Variants in NFATC2 observed in about 807,000 individuals in gnomAD.
The protein encoded by NFATC2 is nuclear factor of activated T cells 2.
Under a neutral mutation model 87.3 loss-of-function variants are expected in NFATC2, and 22 were observed. The observed-to-expected ratio is 0.25, with a 90% confidence interval of 0.18 to 0.36. The LOEUF (loss-of-function observed/expected upper bound fraction) is 0.36. Ranked by LOEUF, NFATC2 falls within the 10% of genes least tolerant of loss-of-function variation. NFATC2 has a pLI of 1.00. For missense variants in NFATC2, 1,149 were observed against 1,259.1 expected (o/e 0.91, Z 1.32); for synonymous variants, 565 against 542.2 (o/e 1.04, Z -0.58).
intron 3 of NFATC2, among the ~76,000 whole-genome samples, chr20:51,495,387 T>C (rs1600868948): frequency 1.3e-5 from 2 of 152,236 alleles, no homozygotes; most frequent in African/African-American, 4.8e-5. Context: ...CACACATGGC[T>C]GGAAAGCCTC....
chr20:51,400,094 A>G (rs1038949615), intron 9 of NFATC2, among the ~76,000 whole-genome samples: 1 of 151,000 alleles, frequency 6.6e-6, no homozygotes, highest in African/African-American at 2.4e-5. Context: ...CCCACATCCC[A>G]CCCACCCATA....
chr20:51,432,451 C>G lies in NFATC2; in HGVS notation c.2338G>C (p.Ala780Pro). Residue 780 changes from alanine (A) to proline (P), a missense_variant, in exon 9 of 11, where the codon GCT (alanine) becomes CCT (proline). Physicochemically the swap from Ala to Pro is conservative, Grantham distance 27 (BLOSUM62 -1). This residue lies in a region of NFATC2 where 581 missense variants were observed against 649.7 expected (regional missense o/e 0.89). Coordinates refer to ENST00000371564, the MANE Select transcript of NFATC2 (RefSeq NM_012340.5). This position sits in a 1 kb window ranked among gnomAD's most constrained non-coding sequence, Gnocchi z 4.6. The stretch of plus-strand genomic sequence containing the variant: ...GCGTGCACCAGCACAGAGCGGTGAG[C>G]GTCCGCAAGGGACAGCGGGGCGGCC... ...LMAAPLSLADAHRSVLVHAGS... is the reference protein window; with the variant it reads ...LMAAPLSLADPHRSVLVHAGS... The G allele has an allele frequency of 6.4e-7, 1 of 1,568,748 alleles. No individual in the cohort carries two copies. The highest frequency in any genetic ancestry group is 8.7e-7 in the Non-Finnish European group (1 of 1,155,772).
At chr20:51,543,486 T>C (rs927612966), upstream of NFATC2, among the ~76,000 whole-genome samples, 1 of 152,156 alleles carries the variant, frequency 6.6e-6, no homozygotes, top group African/African-American at 2.4e-5. Context: ...AGAAACCTGA[T>C]TGATGAGGCG....
intron 3 of NFATC2, among the ~76,000 whole-genome samples, chr20:51,505,028 T>C (rs1056496024): frequency 0.035 from 4,290 of 121,320 alleles, 21 homozygotes; most frequent in Non-Finnish European, 0.053. Context: ...TTTTTTTTTT[T>C]TTTGAGACGG....
intron 5 of NFATC2, among the ~76,000 whole-genome samples, chr20:51,457,842 G>A (rs1482638161): frequency 6.6e-6 from 1 of 151,440 alleles, no homozygotes; most frequent in Non-Finnish European, 1.5e-5. Flanking sequence ...CAATTAGAAT[G>A]GGAATGGGAA....
At chr20:51,521,028 A>C (rs1340852314) in intron 2 of NFATC2, among the ~76,000 whole-genome samples, 1 of 152,238 alleles carries the variant, frequency 6.6e-6, no homozygotes, top group Non-Finnish European at 1.5e-5. Flanking sequence ...ATGGCCTTTG[A>C]AATCACCGCA....
Position 51,475,546 on chromosome 20 carries a change from T to C in NFATC2, c.1447A>G (p.Thr483Ala), listed in dbSNP as rs1988636437. The change falls in exon 4 of 11, where the codon ACT becomes GCT. Residue 483 changes from threonine to alanine, a missense_variant. By Grantham distance (58) the Thr-to-Ala change is moderately conservative. Transcript: ENST00000371564. ...FYQVHRITGKTVTTTSYEKIV... is the reference protein window; with the variant it reads ...FYQVHRITGKAVTTTSYEKIV... ...TTCTCATAGCTGGTGGTGGTGACAG[T>C]TTTCCCCGTGATTCGGTGCACCTGG... The C allele has an allele frequency of 1.2e-6, 2 of 1,613,914 alleles. No individual in the cohort carries two copies. Among genetic ancestry groups the C allele is most frequent in the Non-Finnish European group, 1.7e-6 (2 of 1,180,024 alleles).
At chr20:51,398,296 A>G (rs1219236738) in intron 10 of NFATC2, among the ~76,000 whole-genome samples, 1 of 152,066 alleles carries the variant, frequency 6.6e-6, no homozygotes. Flanking sequence ...CCACGGATGG[A>G]GAGCCTCATT....
chr20:51,501,627 C>A (rs1419940299), intron 3 of NFATC2, among the ~76,000 whole-genome samples: 2 of 152,190 alleles, frequency 1.3e-5, no homozygotes, highest in Non-Finnish European at 2.9e-5. Flanking sequence ...CCCTAAATAG[C>A]ATCCTCACCA....
intron 3 of NFATC2, among the ~76,000 whole-genome samples, chr20:51,489,802 C>A (rs934229357): frequency 6.6e-6 from 1 of 152,198 alleles, no homozygotes; most frequent in Non-Finnish European, 1.5e-5. Context: ...ACACCCAAGT[C>A]AGTCTGCAAA....
chr20:51,495,170 C>T (rs1212164560), intron 3 of NFATC2, among the ~76,000 whole-genome samples: 7 of 152,168 alleles, frequency 4.6e-5, no homozygotes, highest in African/African-American at 1.4e-4. Context: ...CTGCAACCTC[C>T]GCCTCCTGTT....
intron 10 of NFATC2, among the ~76,000 whole-genome samples, chr20:51,392,601 C>CTACCT (rs1986489498): frequency 6.6e-6 from 1 of 152,178 alleles, no homozygotes; most frequent in African/African-American, 2.4e-5. Flanking sequence ...ACTGACTAGT[C>CTACCT]GTGGGGTGGA....
In NFATC2 at chr20:51,523,842, C is replaced by T. The variant is rs369099315; in HGVS notation, c.399G>A (p.Ala133=). The T allele has an allele frequency of 5.0e-6, 8 of 1,610,476 alleles. No homozygotes were observed. The highest frequency in any genetic ancestry group is 2.7e-5 in the African/African-American group (2 of 74,780). ...GGGGCGGCTGCTCCACCAGGAGGCC[C>T]GCGTCTCTCATGCGGAGGGGCCCCA... The part of the protein sequence containing the change: ...QAVGPLRMRD[A]GLLVEQPPLA... The change falls in exon 2 of 11, where the codon GCG becomes GCA. Residue 133 remains alanine, a synonymous_variant. Transcript: ENST00000371564. The surrounding 1 kb of genome is among the most constrained non-coding windows in gnomAD (Gnocchi z 6.9).
At chr20:51,461,927 C>T (rs1358312166) in intron 5 of NFATC2, among the ~76,000 whole-genome samples, 1 of 151,956 alleles carries the variant, frequency 6.6e-6, no homozygotes, top group African/African-American at 2.4e-5. Flanking sequence ...ACCAGCCTGG[C>T]CAAGGTGGTG....
At chr20:51,458,944 G>A (rs910034809) in intron 5 of NFATC2, among the ~76,000 whole-genome samples, 11 of 152,144 alleles carry the variant, frequency 7.2e-5, no homozygotes, top group African/African-American at 2.2e-4. Flanking sequence ...CTTGGGCTCC[G>A]GGGTCAGAAA....
At chr20:51,553,396 C>T (rs1251926642) in intron 1 of NFATC2, among the ~76,000 whole-genome samples, 1 of 151,866 alleles carries the variant, frequency 6.6e-6, no homozygotes, top group African/African-American at 2.4e-5. Context: ...GGCAGGCGTG[C>T]TGGGCGCGGT....
chr20:51,460,533 A>G lies in NFATC2; in HGVS notation c.1709-5845T>C, dbSNP rs185057858. On this transcript the variant is annotated intron_variant, in intron 5 of 10. Transcript: ENST00000371564. ...CCAGCCATAGACATTGTTGTCTTAT[A>G]TATTTTAGCATATATGTACCAAACA... Among the ~76,000 whole-genome samples, 173 of 151,888 alleles carry G rather than the reference A, an allele frequency of 1.1e-3. 1 individual carries two copies. The Middle Eastern group carries it at 0.014, about 12-fold the overall frequency.
rs1989200775 is a variant in NFATC2 at position 51,480,932 on chromosome 20, G to T, written c.1333-5272C>A. Among the ~76,000 whole-genome samples, 1 of 152,156 alleles carries T rather than the reference G, an allele frequency of 6.6e-6. No individual in the cohort carries two copies. Among genetic ancestry groups the T allele is most frequent in the Admixed American group, 6.5e-5 (1 of 15,276 alleles). On this transcript the variant is annotated intron_variant, in intron 3 of 10. Coordinates refer to ENST00000371564, the MANE Select transcript of NFATC2 (RefSeq NM_012340.5). This position sits in a 1 kb window ranked among gnomAD's most constrained non-coding sequence, Gnocchi z 4.2. ...GAACAAAGTGAGAACCAACGTGAAG[G>T]CCTCCCATATGGGAAAGCCCAGGCA...
chr20:51,546,285 A>G (rs148708458), upstream of NFATC2, among the ~76,000 whole-genome samples: 218 of 152,352 alleles, frequency 1.4e-3, 1 homozygote, highest in African/African-American at 5.0e-3. Flanking sequence ...GTGCCAACCC[A>G]TAAAAGAGTT....
Sources: allele counts gnomAD v4.1 joint callset (sites outside exome capture counted in the v4.1 genomes callset), GRCh38; gene constraint gnomAD v4.1.1; regional missense constraint gnomAD v4.1.1; non-coding constraint Gnocchi (gnomAD v3.1); transcripts MANE v1.5; gene names NCBI Gene and HGNC (gene_info 2026-07-23, HGNC 2026-07-21).